The following MAN1C1 variants were observed in gnomAD, a reference collection of about 807,000 sequenced individuals.
MAN1C1 encodes mannosyl-oligosaccharide 1,2-alpha-mannosidase IC.
Under a neutral mutation model 71.5 loss-of-function variants are expected in MAN1C1, and 49 were observed. The observed-to-expected ratio is 0.69, with a 90% confidence interval of 0.54 to 0.87. The LOEUF is 0.87. MAN1C1 is among the 40% of genes least tolerant of loss of function. The pLI, the probability that MAN1C1 is intolerant of heterozygous loss-of-function variation, is 0.00. For missense variants in MAN1C1, 743 were observed against 835.0 expected (o/e 0.89, Z 1.36); for synonymous variants, 352 against 343.7 (o/e 1.02, Z -0.27).
At chr1:25,664,896 A>C (rs1466957016) in intron 1 of MAN1C1, among the ~76,000 whole-genome samples, 2 of 152,246 alleles carry the variant, frequency 1.3e-5, no homozygotes, top group Non-Finnish European at 2.9e-5. Context: ...ACTGTTAGAC[A>C]TGCCAACAAA....
chr1:25,643,507 A>C (rs1293792656), intron 1 of MAN1C1, among the ~76,000 whole-genome samples: 1 of 138,950 alleles, frequency 7.2e-6, no homozygotes, highest in South Asian at 2.3e-4. Context: ...CTGATCTCAG[A>C]TAATCCACCT....
chr1:25,712,941 T>C (rs1431364209), intron 2 of MAN1C1, among the ~76,000 whole-genome samples: 2 of 152,250 alleles, frequency 1.3e-5, no homozygotes, highest in East Asian at 1.9e-4. Flanking sequence ...AGTGGCCTTT[T>C]GATATTGACT....
At chr1:25,692,320 G>T (rs571431097) in intron 2 of MAN1C1, among the ~76,000 whole-genome samples, 3 of 152,298 alleles carry the variant, frequency 2.0e-5, no homozygotes, top group Admixed American at 2.0e-4. Flanking sequence ...ATGATTTCGG[G>T]CCCAAGAACC....
At position 25,626,460 on chromosome 1, in the gene MAN1C1, G is replaced by A. The variant is rs149661340; in HGVS notation, c.540+8123G>A. On this transcript the variant is annotated intron_variant, in intron 1 of 11. Coordinates refer to ENST00000374332, the MANE Select transcript of MAN1C1 (RefSeq NM_020379.4). ...TGCAAGCTCTGCCTCCTGGGTTCAC[G>A]CCATTCTCCTGCCTCAGCCTTCTGA... 4.7e-4 allele frequency among the ~76,000 whole-genome samples: 71 copies of A among 151,830 alleles called. No individual in the cohort carries two copies. The East Asian group carries it at 8.5e-3, about 18-fold the overall frequency.
chr1:25,691,469 G>A (rs961017734), intron 2 of MAN1C1, among the ~76,000 whole-genome samples: 3 of 152,178 alleles, frequency 2.0e-5, no homozygotes, highest in South Asian at 2.1e-4. Context: ...TAATGGTACC[G>A]CCTTCACAAG....
At chr1:25,684,190 C>T (rs2046195830) in intron 1 of MAN1C1, among the ~76,000 whole-genome samples, 1 of 152,064 alleles carries the variant, frequency 6.6e-6, no homozygotes, top group Admixed American at 6.6e-5. Flanking sequence ...CCGCCAGCCC[C>T]CCAGCCACCT....
At chr1:25,675,779 C>T (rs1479804278) in intron 1 of MAN1C1, among the ~76,000 whole-genome samples, 3 of 152,120 alleles carry the variant, frequency 2.0e-5, no homozygotes, top group East Asian at 1.9e-4. Flanking sequence ...ATATTATATA[C>T]GAGCCATTGT....
Position 25,676,044 on chromosome 1 carries a change from C to T in MAN1C1, c.541-10396C>T, listed in dbSNP as rs77222237. On this transcript the variant is annotated intron_variant, in intron 1 of 11. Transcript: ENST00000374332. ...TGGAACTGAGGTACTCTGTTTCTGA[C>T]GTGCCCCCTGGGTGGCCCTACTCCT... Among the ~76,000 whole-genome samples the T allele has an allele frequency of 6.2e-3, 937 of 152,292 alleles. 10 individuals are homozygous for T. Among genetic ancestry groups the T allele is most frequent in the African/African-American group, 0.022 (894 of 41,576 alleles).
intron 2 of MAN1C1, among the ~76,000 whole-genome samples, chr1:25,707,581 G>T (rs895294961): frequency 6.6e-6 from 1 of 152,108 alleles, no homozygotes; most frequent in African/African-American, 2.4e-5. Context: ...GAACAACTTC[G>T]CCTCTTCCTC....
At chr1:25,662,205 C>T (rs1210031125) in intron 1 of MAN1C1, among the ~76,000 whole-genome samples, 7 of 152,240 alleles carry the variant, frequency 4.6e-5, no homozygotes, top group African/African-American at 1.4e-4. Flanking sequence ...CTGTCCTGTT[C>T]ACTGAGCCTG....
chr1:25,699,656 A>C (rs1399040464), intron 2 of MAN1C1, among the ~76,000 whole-genome samples: 1 of 152,076 alleles, frequency 6.6e-6, no homozygotes, highest in Non-Finnish European at 1.5e-5. Flanking sequence ...TGGTCTCTTG[A>C]GTTACTTCTA....
chr1:25,675,588 G>A (rs910246733), intron 1 of MAN1C1, among the ~76,000 whole-genome samples: 3 of 139,954 alleles, frequency 2.1e-5, no homozygotes, highest in African/African-American at 5.9e-5. Context: ...ATTTTGCGGG[G>A]GGGGGGGGAG....
rs150029743 is a variant in MAN1C1, at chr1:25,622,457, A to G, written c.540+4120A>G. Among the ~76,000 whole-genome samples, 576 of 152,366 alleles carry G rather than the reference A, an allele frequency of 3.8e-3. 6 individuals carry two copies. Among genetic ancestry groups the G allele is most frequent in the African/African-American group, 0.013 (547 of 41,578 alleles). ...TAATGAATGGCTACATTAAAGATCC[A>G]TAAACTAACAGTTAAGATTGCTAGT... On this transcript the variant is annotated intron_variant, in intron 1 of 11. Coordinates refer to ENST00000374332, the MANE Select transcript of MAN1C1 (RefSeq NM_020379.4).
At chr1:25,675,960 C>A (rs998878895) in intron 1 of MAN1C1, among the ~76,000 whole-genome samples, 1 of 152,176 alleles carries the variant, frequency 6.6e-6, no homozygotes. Context: ...CTTCAATGTG[C>A]GTTTGAATCA....
At chr1:25,645,532 A>G (rs576308997) in intron 1 of MAN1C1, 1 of 152,406 alleles carries the variant, frequency 6.6e-6, no homozygotes, top group East Asian at 1.9e-4. Context: ...TCTCGAGGAA[A>G]GGAAGAAATT....
At chr1:25,768,154 T>C (rs2047476153) in intron 7 of MAN1C1, among the ~76,000 whole-genome samples, 1 of 72,534 alleles carries the variant, frequency 1.4e-5, no homozygotes, top group African/African-American at 6.2e-5. Flanking sequence ...ACACTCCCCC[T>C]ACATACACTC....
intron 4 of MAN1C1, among the ~76,000 whole-genome samples, chr1:25,750,689 T>C (rs2047202389): frequency 6.6e-6 from 1 of 152,162 alleles, no homozygotes; most frequent in Non-Finnish European, 1.5e-5. Context: ...TTGTACCAAT[T>C]TGTCCCCAAA....
At chr1:25,618,428 G>C (rs1471266766) in intron 1 of MAN1C1, 91 bp downstream of exon 1, 44 of 1,256,910 alleles carry the variant, frequency 3.5e-5, no homozygotes, top group Non-Finnish European at 4.2e-5. Flanking sequence ...CCTTGCCTCA[G>C]TCACTCCTGG....
intron 7 of MAN1C1, among the ~76,000 whole-genome samples, chr1:25,765,829 G>T (rs1053570604): frequency 2.6e-5 from 4 of 152,274 alleles, no homozygotes; most frequent in Middle Eastern, 6.8e-3. Flanking sequence ...CCCCAGGGAC[G>T]ACCTCACCCC....
Sources: allele counts gnomAD v4.1 joint callset (sites outside exome capture counted in the v4.1 genomes callset), GRCh38; gene constraint gnomAD v4.1.1; transcripts MANE v1.5; gene names NCBI Gene and HGNC (gene_info 2026-07-23, HGNC 2026-07-21).